UVRAG: variants seen among roughly 807,000 people sequenced by gnomAD.
UVRAG encodes the protein UV radiation resistance associated.
In UVRAG, 19 loss-of-function variants were observed where a neutral mutation model predicts 78.0. The observed-to-expected ratio is 0.24, with a 90% CI of 0.17 to 0.36. The LOEUF (loss-of-function observed/expected upper bound fraction) is 0.36, where lower values mean the gene tolerates loss of function less well. UVRAG is among the 10% of genes least tolerant of loss of function. The probability of loss-of-function intolerance (pLI) is 1.00; values close to 1 mark genes in which losing one functional copy is unlikely to be tolerated. For missense variants in UVRAG, 740 were observed against 853.8 expected (o/e 0.87, Z 1.66); for synonymous variants, 323 against 324.6 (o/e 1.00, Z 0.05).
At chr11:75,943,920 A>G (rs191246221) in intron 6 of UVRAG, among the ~76,000 whole-genome samples, 105 of 152,308 alleles carry the variant, frequency 6.9e-4, no homozygotes, top group Non-Finnish European at 1.2e-3. Flanking sequence ...GGAAACTATC[A>G]TATTTAATAA....
chr11:75,906,953 C>T (rs574881603), intron 5 of UVRAG, among the ~76,000 whole-genome samples: 12 of 152,260 alleles, frequency 7.9e-5, no homozygotes, highest in East Asian at 3.9e-4. Flanking sequence ...TTGGGATATG[C>T]GAATCTTCTA....
chr11:76,032,189 T>A (rs1390797780), intron 12 of UVRAG, among the ~76,000 whole-genome samples: 1 of 152,216 alleles, frequency 6.6e-6, no homozygotes, highest in Non-Finnish European at 1.5e-5. Context: ...CATCTCATAA[T>A]AGTTCTCTAG....
At chr11:76,063,446 TA>T (rs1231609744) in intron 12 of UVRAG, among the ~76,000 whole-genome samples, 2 of 152,224 alleles carry the variant, frequency 1.3e-5, no homozygotes, top group African/African-American at 4.8e-5. Flanking sequence ...AGAGTGACAG[TA>T]AGGCTCAGAT....
rs1431144781 is a variant in UVRAG, at chr11:75,870,075, A to AGAC, written c.270+8295_270+8296insGAC. Among the ~76,000 whole-genome samples, 14 of 152,334 alleles carry AGAC rather than the reference A, an allele frequency of 9.2e-5. No individual in the cohort carries two copies. In the Middle Eastern group the frequency reaches 0.01, roughly 111 times the overall value. The stretch of plus-strand genomic sequence containing the variant: ...TTGGGCGGGTATGTATAGGTTAAAT[A>AGAC]TAAATAAAAAAATCATCTGGGTCTA... On this transcript the variant is annotated intron_variant, in intron 3 of 14. Coordinates refer to ENST00000356136, the MANE Select transcript of UVRAG (RefSeq NM_003369.4).
At chr11:76,100,521 A>C (rs1485909756) in intron 13 of UVRAG, among the ~76,000 whole-genome samples, 1 of 152,152 alleles carries the variant, frequency 6.6e-6, no homozygotes, top group African/African-American at 2.4e-5. Context: ...TAATATCTTC[A>C]GGTAAAAGGT....
intron 1 of UVRAG, among the ~76,000 whole-genome samples, chr11:75,843,899 C>T (rs1945972469): frequency 6.7e-6 from 1 of 149,594 alleles, no homozygotes; most frequent in Admixed American, 6.7e-5. Context: ...GCAGAGGTTG[C>T]AGTGAGCTGA....
intron 8 of UVRAG, among the ~76,000 whole-genome samples, chr11:75,995,957 A>G (rs1022441947): frequency 8.5e-5 from 13 of 152,284 alleles, no homozygotes; most frequent in Middle Eastern, 3.4e-3. Context: ...GATTTATGCT[A>G]TTAGCAATAA....
At chr11:76,107,663 A>T (rs1274089437) in intron 13 of UVRAG, among the ~76,000 whole-genome samples, 2 of 152,222 alleles carry the variant, frequency 1.3e-5, no homozygotes, top group African/African-American at 2.4e-5. Flanking sequence ...TTAGAGGTAT[A>T]TATTGCAATG....
intron 14 of UVRAG, among the ~76,000 whole-genome samples, chr11:76,123,756 C>G (rs1952333139): frequency 7.0e-6 from 1 of 142,602 alleles, no homozygotes; most frequent in South Asian, 2.1e-4. Flanking sequence ...TTTTGAGTAT[C>G]AGTTGTTTTG....
In UVRAG at chr11:75,966,003, A is replaced by G. The variant is rs115088620; in HGVS notation, c.699+4454A>G. On this transcript the variant is annotated intron_variant, in intron 7 of 14. Transcript: ENST00000356136. ...TCATTTCTCTGTTAAATATAGTGCT[A>G]AGAATGCCCTTCATTAATTTTAGGA... Among the ~76,000 whole-genome samples, 749 of 152,258 alleles carry G rather than the reference A, an allele frequency of 4.9e-3. 7 individuals carry two copies. Among genetic ancestry groups the G allele is most frequent in the African/African-American group, 0.017 (705 of 41,550 alleles).
intron 14 of UVRAG, among the ~76,000 whole-genome samples, chr11:76,135,214 A>G (rs901130783): frequency 1.8e-4 from 27 of 152,188 alleles, no homozygotes; most frequent in Admixed American, 5.9e-4. Context: ...TTAAGTTGTA[A>G]CTCCATATAG....
intron 7 of UVRAG, among the ~76,000 whole-genome samples, chr11:75,971,911 G>A (rs573646276): frequency 2.7e-4 from 41 of 152,124 alleles, no homozygotes; most frequent in African/African-American, 8.7e-4. Context: ...GGCTGGTCTC[G>A]AACTCCTGAC....
At chr11:76,123,754 A>G (rs531782985) in intron 14 of UVRAG, among the ~76,000 whole-genome samples, 1 of 144,456 alleles carries the variant, frequency 6.9e-6, no homozygotes, top group South Asian at 2.1e-4. Context: ...GTTTTTGAGT[A>G]TCAGTTGTTT....
At chr11:76,065,677 T>C (rs749264961) in intron 12 of UVRAG, 33 bp from the exon 13 acceptor site, 36 of 1,604,132 alleles carry the variant, frequency 2.2e-5, no homozygotes, top group Non-Finnish European at 2.9e-5. Context: ...ACTCAGCTTT[T>C]GAAAATATCT....
intron 13 of UVRAG, among the ~76,000 whole-genome samples, chr11:76,093,739 T>C (rs980587629): frequency 2.6e-5 from 4 of 152,202 alleles, no homozygotes; most frequent in South Asian, 2.1e-4. Context: ...AGTTACTTAT[T>C]GGCTTAAAGA....
At chr11:75,872,946 G>A (rs4945027) in intron 3 of UVRAG, among the ~76,000 whole-genome samples, 142,333 of 152,278 alleles carry the variant, frequency 0.93, 66,621 homozygotes, top group East Asian at 0.99. Flanking sequence ...GGATAAATAC[G>A]CTAGTAGAAA....
chr11:75,956,893 GTTCAT>G (rs1423849021), intron 6 of UVRAG, among the ~76,000 whole-genome samples: 1 of 151,918 alleles, frequency 6.6e-6, no homozygotes, highest in African/African-American at 2.4e-5. Context: ...TTTGTGAAGT[GTTCAT>G]TTCATTCTGT....
At chr11:75,947,396 A>G (rs1948606134) in intron 6 of UVRAG, among the ~76,000 whole-genome samples, 1 of 152,154 alleles carries the variant, frequency 6.6e-6, no homozygotes, top group Admixed American at 6.6e-5. Context: ...TTGGGGTGAC[A>G]TTTTAGAATT....
intron 12 of UVRAG, among the ~76,000 whole-genome samples, chr11:76,019,160 C>T (rs1466083530): frequency 1.3e-5 from 2 of 152,160 alleles, no homozygotes; most frequent in Non-Finnish European, 2.9e-5. Context: ...TTGCATTTTT[C>T]ACCTCTAGAA....
Sources: allele counts gnomAD v4.1 joint callset (sites outside exome capture counted in the v4.1 genomes callset), GRCh38; gene constraint gnomAD v4.1.1; transcripts MANE v1.5; gene names NCBI Gene and HGNC (gene_info 2026-07-23, HGNC 2026-07-21).